PALLD: variants seen among roughly 807,000 people sequenced by gnomAD.
PALLD encodes the protein palladin.
A neutral mutation model predicts 123.5 loss-of-function variants in PALLD; 61 were observed. The observed-to-expected ratio is 0.49, with a 90% confidence interval of 0.40 to 0.61. PALLD has a LOEUF of 0.61. PALLD is among the 20% of genes least tolerant of loss of function. The probability of loss-of-function intolerance (pLI) is 0.00; values close to 1 mark genes in which losing one functional copy is unlikely to be tolerated. For synonymous variants in PALLD, 465 were observed against 496.4 expected (o/e 0.94, Z 0.84); for missense variants, 1,273 against 1,377.0 (o/e 0.92, Z 1.20).
intron 9 of PALLD, among the ~76,000 whole-genome samples, chr4:168,710,876 T>C (rs973218931): frequency 6.6e-6 from 1 of 152,216 alleles, no homozygotes. Flanking sequence ...AAATCTGCTA[T>C]AGGTCAAACA....
At chr4:168,808,091 A>G (rs1460247235) in intron 10 of PALLD, among the ~76,000 whole-genome samples, 2 of 152,122 alleles carry the variant, frequency 1.3e-5, no homozygotes, top group Non-Finnish European at 2.9e-5. Context: ...TATGTGTAAT[A>G]TAAGTACTAC....
chr4:168,711,103 A>T (rs1279296191), intron 9 of PALLD, among the ~76,000 whole-genome samples: 3 of 152,240 alleles, frequency 2.0e-5, no homozygotes, highest in African/African-American at 7.2e-5. Flanking sequence ...AAATATTTTT[A>T]TGAGATTATG....
intron 10 of PALLD, among the ~76,000 whole-genome samples, chr4:168,733,743 TA>T (rs1215681673): frequency 6.6e-6 from 1 of 151,932 alleles, no homozygotes; most frequent in Non-Finnish European, 1.5e-5. Context: ...GGTTTTGTTT[TA>T]TTTTTTTGAG....
rs187345350 is a variant in PALLD, at chr4:168,794,375, C to T, written c.1964+82452C>T. On this transcript the variant is annotated intron_variant, in intron 10 of 21. Transcript: ENST00000505667. Reference sequence around the variant, plus strand: ...CACTTCACTGAAGGTGAGGGGAAAGCAATCCTCTCCTCCCCCAGGGTGGAA... The same window carrying T: ...CACTTCACTGAAGGTGAGGGGAAAGTAATCCTCTCCTCCCCCAGGGTGGAA... 6.6e-5 allele frequency among the ~76,000 whole-genome samples: 10 copies of T among 152,328 alleles called. No homozygotes were observed. In the East Asian group the frequency reaches 1.9e-3, roughly 29 times the overall value.
chr4:168,684,527 G>C (rs1364298510), intron 5 of PALLD, among the ~76,000 whole-genome samples: 2 of 152,196 alleles, frequency 1.3e-5, no homozygotes, highest in Non-Finnish European at 2.9e-5. Context: ...AAATGAAGAT[G>C]ATAACACTAT....
In PALLD at chr4:168,545,842, G is replaced by A. The variant is rs548158623; in HGVS notation, c.908+33430G>A. ...CTTCCTACAGTCAGAAAGAGGAACA[G>A]TTCTATCATGTACAATTATGATGGG... On this transcript the variant is annotated intron_variant, in intron 2 of 21. Coordinates refer to ENST00000505667, the MANE Select transcript of PALLD (RefSeq NM_001166108.2). Among the ~76,000 whole-genome samples the A allele has an allele frequency of 5.9e-5, 9 of 152,290 alleles. No homozygotes were observed. The South Asian group carries it at 1.9e-3, about 32-fold the overall frequency.
chr4:168,836,311 T>A lies in PALLD; in HGVS notation c.1965-54611T>A, dbSNP rs151049694. Among the ~76,000 whole-genome samples the A allele has an allele frequency of 1.8e-3, 268 of 152,296 alleles. 3 individuals are homozygous for A. Among genetic ancestry groups the A allele is most frequent in the East Asian group, 6.8e-3 (35 of 5,176 alleles). On this transcript the variant is annotated intron_variant, in intron 10 of 21. Coordinates refer to ENST00000505667, the MANE Select transcript of PALLD (RefSeq NM_001166108.2). ...AGAGACTGTTGGAAGGCGTAATGGCTTATTTGATGGAAAAGATTTCCTGCT... is the reference window on the plus strand; with the variant it reads ...AGAGACTGTTGGAAGGCGTAATGGCATATTTGATGGAAAAGATTTCCTGCT...
In PALLD at chr4:168,685,868, G is replaced by A. The variant is rs375810970; in HGVS notation, c.1335+309G>A. Among the ~76,000 whole-genome samples, 4 of 145,164 alleles carry A rather than the reference G, an allele frequency of 2.8e-5. No homozygotes were observed. The East Asian group carries it at 8.0e-4, about 29-fold the overall frequency. ...TGTAGGAAATTGCTTAGGAGATCTAGCAAGTTTTATAGAAATTCAGAAAAA... is the reference window on the plus strand; with the variant it reads ...TGTAGGAAATTGCTTAGGAGATCTAACAAGTTTTATAGAAATTCAGAAAAA... On this transcript the variant is annotated intron_variant, in intron 6 of 21. Coordinates refer to ENST00000505667, the MANE Select transcript of PALLD (RefSeq NM_001166108.2).
At chr4:168,650,874 A>G (rs1467678557) in intron 2 of PALLD, among the ~76,000 whole-genome samples, 4 of 152,136 alleles carry the variant, frequency 2.6e-5, no homozygotes, top group Non-Finnish European at 5.9e-5. Flanking sequence ...TACTTTCTGA[A>G]TATCCCTTTC....
rs986348482 is a variant in PALLD, at chr4:168,913,439, C to T, written c.2623-488C>T. ...GGCATGAGCCATCGTGCCCGGCCAG[C>T]CACTAACATTTAATTAGTATATTAC... On this transcript the variant is annotated intron_variant, in intron 15 of 21. Transcript: ENST00000505667. Among the ~76,000 whole-genome samples, 74 of 152,022 alleles carry T rather than the reference C, an allele frequency of 4.9e-4. 1 individual carries two copies. The highest frequency in any genetic ancestry group is 4.0e-3 in the Admixed American group (61 of 15,260).
Position 168,773,233 on chromosome 4 carries a change from G to A in PALLD, c.1964+61310G>A, listed in dbSNP as rs566952455. ...TTAAAGTGAATAACTGTAAAGCCAT[G>A]TGTGATCTGAACCCCCGAGCCTGCC... is the stretch of plus-strand genomic sequence containing the variant. On this transcript the variant is annotated intron_variant, in intron 10 of 21. Coordinates refer to ENST00000505667, the MANE Select transcript of PALLD (RefSeq NM_001166108.2). Among the ~76,000 whole-genome samples the A allele has an allele frequency of 2.4e-4, 36 of 152,304 alleles. No homozygotes were observed. The East Asian group carries it at 6.0e-3, about 25-fold the overall frequency.
At chr4:168,722,569 T>C (rs1206327033) in intron 10 of PALLD, among the ~76,000 whole-genome samples, 2 of 152,208 alleles carry the variant, frequency 1.3e-5, no homozygotes, top group East Asian at 3.9e-4. Context: ...CTGTGGGTAA[T>C]ATTACAAAGC....
At chr4:168,678,573 T>G (rs1157422253) in intron 3 of PALLD, among the ~76,000 whole-genome samples, 1 of 152,072 alleles carries the variant, frequency 6.6e-6, no homozygotes, top group Non-Finnish European at 1.5e-5. Flanking sequence ...GGTACAGGCA[T>G]GGAAAACAAG....
At chr4:168,600,004 TATATACATACATGTGTGTACACAC>T (rs1772403684) in intron 2 of PALLD, among the ~76,000 whole-genome samples, 3 of 111,684 alleles carry the variant, frequency 2.7e-5, no homozygotes, top group African/African-American at 8.8e-5. Flanking sequence ...TACACACACG[TATATACATACATGTGTGTACACAC>T]ACATACATAC....
intron 10 of PALLD, among the ~76,000 whole-genome samples, chr4:168,787,875 T>C (rs1736969672): frequency 6.6e-6 from 1 of 152,230 alleles, no homozygotes; most frequent in Non-Finnish European, 1.5e-5. Context: ...AGGGCCAACA[T>C]TACACACTTA....
chr4:168,905,636 T>C (rs1044284120), intron 15 of PALLD, among the ~76,000 whole-genome samples: 5 of 152,094 alleles, frequency 3.3e-5, no homozygotes, highest in Non-Finnish European at 7.4e-5. Context: ...AGCTTCTATA[T>C]TAATGCACAT....
chr4:168,838,654 T>G (rs562532266), intron 10 of PALLD, among the ~76,000 whole-genome samples: 1 of 149,774 alleles, frequency 6.7e-6, no homozygotes, highest in African/African-American at 2.5e-5. Flanking sequence ...GGAGAGAGAT[T>G]ATCTTCTAAC....
At chr4:168,648,152 T>A (rs893021832) in intron 2 of PALLD, 2 of 152,104 alleles carry the variant, frequency 1.3e-5, no homozygotes, top group Admixed American at 1.3e-4. Context: ...AGGCAGTTCT[T>A]ACCCAGCAAT....
At chr4:168,564,965 G>A (rs775480053) in intron 2 of PALLD, among the ~76,000 whole-genome samples, 12 of 151,142 alleles carry the variant, frequency 7.9e-5, no homozygotes, top group Non-Finnish European at 1.5e-4. Flanking sequence ...GCCAAGGCAG[G>A]CAGGTTGCTT....
Sources: allele counts gnomAD v4.1 joint callset (sites outside exome capture counted in the v4.1 genomes callset), GRCh38; gene constraint gnomAD v4.1.1; transcripts MANE v1.5; gene names NCBI Gene and HGNC (gene_info 2026-07-23, HGNC 2026-07-21).